The following SLC36A4 variants were observed in gnomAD, a reference collection of about 807,000 sequenced individuals.
SLC36A4 encodes solute carrier family 36 member 4.
Under a neutral mutation model 50.5 loss-of-function variants are expected in SLC36A4, and 49 were observed. That is an observed-to-expected ratio of 0.97 (90% CI 0.77 to 1.23). The LOEUF (loss-of-function observed/expected upper bound fraction) is 1.23, where lower values mean the gene tolerates loss of function less well. SLC36A4 is among the 50% of genes most tolerant of loss of function. The pLI, the probability that SLC36A4 is intolerant of heterozygous loss-of-function variation, is 0.00. For missense variants in SLC36A4, 611 were observed against 608.4 expected (o/e 1.00, Z -0.05); for synonymous variants, 207 against 206.5 (o/e 1.00, Z -0.02).
At chr11:93,186,753 T>A (rs991925410) in intron 1 of SLC36A4, among the ~76,000 whole-genome samples, 5 of 152,176 alleles carry the variant, frequency 3.3e-5, no homozygotes, top group Non-Finnish European at 7.3e-5. Flanking sequence ...AATATCAATA[T>A]CCACTATCAG....
intron 10 of SLC36A4, among the ~76,000 whole-genome samples, chr11:93,151,884 T>TC (rs985963316): frequency 1.5e-4 from 23 of 152,012 alleles, no homozygotes; most frequent in African/African-American, 5.3e-4. Context: ...ACAGGTTTAC[T>TC]CTTAAAAGGT....
At chr11:93,149,328 A>G (rs1352331365) in intron 10 of SLC36A4, among the ~76,000 whole-genome samples, 1 of 152,130 alleles carries the variant, frequency 6.6e-6, no homozygotes, top group Admixed American at 6.6e-5. Context: ...ATCACAGGAT[A>G]GGAAGAGTCA....
Position 93,197,838 on chromosome 11 carries a change from G to A in SLC36A4, c.-6C>T. The A allele has an allele frequency of 6.4e-7, 1 of 1,566,780 alleles. No individual in the cohort carries two copies. The highest frequency in any genetic ancestry group is 1.7e-5 in the Admixed American group (1 of 58,208). On this transcript the variant is annotated 5_prime_UTR_variant, in exon 1 of 11. Coordinates refer to ENST00000326402, the MANE Select transcript of SLC36A4 (RefSeq NM_152313.4). ...GGCGTCGCCGCCGCTTCCATCTCTCGCGGGTCTCCAGGACGCCGCCGCCCG... is the reference window on the plus strand; with the variant it reads ...GGCGTCGCCGCCGCTTCCATCTCTCACGGGTCTCCAGGACGCCGCCGCCCG...
At position 93,184,462 on chromosome 11, in the gene SLC36A4, G is replaced by C; in HGVS notation, c.238C>G (p.Leu80Val). 6.2e-7 allele frequency: 1 copy of C among 1,611,268 alleles called. No individual in the cohort carries two copies. The highest frequency in any genetic ancestry group is 8.5e-7 in the Non-Finnish European group (1 of 1,177,850). The change falls in exon 3 of 11, where the codon CTT becomes GTT. Residue 80 changes from leucine to valine, a missense_variant. Coordinates refer to ENST00000326402, the MANE Select transcript of SLC36A4 (RefSeq NM_152313.4). The stretch of plus-strand genomic sequence containing the variant: ...CCTGCATTTTTTATTGCCAATGGAA[G>C]TCCTAAAAGGCCAGTTCCAATATTT... The part of the protein sequence containing the change: ...KGNIGTGLLG[L>V]PLAIKNAGIV...
At chr11:93,163,364 A>G (rs1312564433) in intron 8 of SLC36A4, among the ~76,000 whole-genome samples, 2 of 152,030 alleles carry the variant, frequency 1.3e-5, no homozygotes, top group Non-Finnish European at 2.9e-5. Context: ...CCCACAGTGC[A>G]TTTTGTCACC....
At position 93,184,517 on chromosome 11, in the gene SLC36A4, A is replaced by T; in HGVS notation, c.183T>A (p.Phe61Leu). 2 of 1,583,786 alleles carry T rather than the reference A, an allele frequency of 1.3e-6. No homozygotes were observed. The highest frequency in any genetic ancestry group is 1.1e-5 in the South Asian group (1 of 89,186). Reference protein sequence around the residue: ...YQLDDQEGISFVQTLMHLLKG... With the variant: ...YQLDDQEGISLVQTLMHLLKG... ...TAAGAAGGTGCATAAGAGTTTGTACAAATCTGAAAAGTAAAAGTTGTAAGA... is the reference window on the plus strand; with the variant it reads ...TAAGAAGGTGCATAAGAGTTTGTACTAATCTGAAAAGTAAAAGTTGTAAGA... Residue 61 changes from phenylalanine (F) to leucine (L), a missense_variant, in exon 3 of 11, where the codon TTT becomes TTA. Phe to Leu is a conservative substitution (Grantham distance 22). Transcript: ENST00000326402.
At chr11:93,194,549 G>A (rs778712257) in intron 1 of SLC36A4, among the ~76,000 whole-genome samples, 1 of 152,042 alleles carries the variant, frequency 6.6e-6, no homozygotes, top group African/African-American at 2.4e-5. Flanking sequence ...CTCTACCAGT[G>A]CTTTTTACAT....
intron 7 of SLC36A4, chr11:93,166,853 G>C (rs1337014312): frequency 2.6e-5 from 4 of 152,200 alleles, no homozygotes; most frequent in African/African-American, 9.7e-5. Flanking sequence ...AGATAGAACT[G>C]TGTGATATAC....
chr11:93,165,972 C>T lies in SLC36A4; in HGVS notation c.813G>A (p.Lys271=), dbSNP rs777104920. ...PHNLPIVAGW[K]KYPLFFGTAV... is the part of the protein sequence containing the mutation. ...CAGTACCAAAAAAGAGTGGGTATTT[C>T]TTCCAACCAGCCACTATTGGAAGGT... The change falls in exon 8 of 11, where the codon AAG becomes AAA. Residue 271 remains lysine (K), a synonymous_variant. Transcript: ENST00000326402. 6.2e-7 allele frequency: 1 copy of T among 1,611,298 alleles called. No individual in the cohort carries two copies. Among genetic ancestry groups the T allele is most frequent in the South Asian group, 1.1e-5 (1 of 90,578 alleles).
In SLC36A4 at chr11:93,148,864, T is replaced by A; in HGVS notation, c.1208-20A>T. ...CGGCACCTAGAAAATGAAAATACAT[T>A]TATTTTTCTTATTTAAATGTTTGTT... On this transcript the variant is annotated intron_variant, in intron 10 of 10. Coordinates refer to ENST00000326402, the MANE Select transcript of SLC36A4 (RefSeq NM_152313.4). The A allele has an allele frequency of 6.3e-7, 1 of 1,578,466 alleles. No individual in the cohort carries two copies. The highest frequency in any genetic ancestry group is 8.6e-7 in the Non-Finnish European group (1 of 1,163,708).
chr11:93,153,897 TGATAG>T (rs1244938425), intron 10 of SLC36A4: 3 of 273,932 alleles, frequency 1.1e-5, no homozygotes, highest in African/African-American at 6.6e-5. Context: ...ATTTTAAGTG[TGATAG>T]GATCTGGTTT....
chr11:93,162,103 G>A (rs529323579), intron 9 of SLC36A4, among the ~76,000 whole-genome samples: 1 of 152,042 alleles, frequency 6.6e-6, no homozygotes, highest in Admixed American at 6.5e-5. Context: ...TGGCTTTTTT[G>A]GCAATAAGGA....
chr11:93,194,701 G>GT (rs111362454), intron 1 of SLC36A4, among the ~76,000 whole-genome samples: 9 of 152,202 alleles, frequency 5.9e-5, no homozygotes, highest in African/African-American at 2.2e-4. Context: ...TAGAGTACAT[G>GT]TTCACAGGCA....
At position 93,185,892 on chromosome 11, in the gene SLC36A4, A is replaced by C. The variant is rs16918635; in HGVS notation, c.56-78T>G. On this transcript the variant is annotated intron_variant, in intron 1 of 10. Coordinates refer to ENST00000326402, the MANE Select transcript of SLC36A4 (RefSeq NM_152313.4). ...AGCTGGTATAAATGAATTTCAAAAT[A>C]TTAGGAAACACCATTTGTACTCATC... The C allele has an allele frequency of 2.1e-3, 2,756 of 1,288,266 alleles. 64 individuals are homozygous for C. In the African/African-American group the frequency reaches 0.037, roughly 17 times the overall value. 79.8% of individuals were successfully genotyped at this position (1,288,266 alleles called of 1,614,324 possible). A position where few individuals can be genotyped will look rare whatever the true frequency, so the allele number is the denominator to read the frequency against.
chr11:93,166,382 C>T (rs1021616492), intron 7 of SLC36A4: 28 of 995,784 alleles, frequency 2.8e-5, no homozygotes, highest in African/African-American at 1.0e-4. Flanking sequence ...TTATCAACCA[C>T]TGCTGCTGGT....
At position 93,157,301 on chromosome 11, in the gene SLC36A4, T is replaced by G. The variant is rs193174853; in HGVS notation, c.1038-3024A>C. Among the ~76,000 whole-genome samples, 856 of 152,306 alleles carry G rather than the reference T, an allele frequency of 5.6e-3. 8 individuals are homozygous for G. The highest frequency in any genetic ancestry group is 0.02 in the African/African-American group (813 of 41,574). On this transcript the variant is annotated intron_variant, in intron 9 of 10. Transcript: ENST00000326402. The stretch of plus-strand genomic sequence containing the variant: ...GTGATGCCTCCAGCTTTGTTCTTTT[T>G]GCTGAGGACTGCCTTGACCCTTCAG...
chr11:93,150,521 C>T (rs183261893), intron 10 of SLC36A4, among the ~76,000 whole-genome samples: 27 of 152,002 alleles, frequency 1.8e-4, no homozygotes, highest in African/African-American at 5.8e-4. Flanking sequence ...AAAGCTAAAG[C>T]CCTAAAAACT....
intron 1 of SLC36A4, among the ~76,000 whole-genome samples, chr11:93,189,154 G>A (rs551544058): frequency 2.1e-4 from 32 of 150,964 alleles, no homozygotes; most frequent in Non-Finnish European, 3.1e-4. Context: ...TCTCTGCCCC[G>A]CCAAGTTCAA....
chr11:93,158,373 T>G (rs1860460984), intron 9 of SLC36A4, among the ~76,000 whole-genome samples: 1 of 152,142 alleles, frequency 6.6e-6, no homozygotes, highest in Non-Finnish European at 1.5e-5. Flanking sequence ...AAAATAAAAA[T>G]ACATCATTTT....
Sources: allele counts gnomAD v4.1 joint callset (sites outside exome capture counted in the v4.1 genomes callset), GRCh38; gene constraint gnomAD v4.1.1; transcripts MANE v1.5; gene names NCBI Gene and HGNC (gene_info 2026-07-23, HGNC 2026-07-21).